A3GALT2: variants seen among roughly 807,000 people sequenced by gnomAD.
The protein encoded by A3GALT2 is alpha 1,3-galactosyltransferase 2.
Under a neutral mutation model 16.6 loss-of-function variants are expected in A3GALT2, and 14 were observed. That is an observed-to-expected ratio of 0.84 (90% CI 0.56 to 1.32). The LOEUF is 1.32. Among genes scored for constraint, A3GALT2 ranks in the 40% most tolerant of loss-of-function variants. The pLI, the probability that A3GALT2 is intolerant of heterozygous loss-of-function variation, is 0.00. For missense variants in A3GALT2, 600 were observed against 490.9 expected, an observed-to-expected ratio of 1.22 and a Z score of -2.10; for synonymous variants, 253 against 218.0, an observed-to-expected ratio of 1.16 and a Z score of -1.42.
At chr1:33,311,082 C>A (rs566596179) in intron 4 of A3GALT2, among the ~76,000 whole-genome samples, 1 of 152,268 alleles carries the variant, frequency 6.6e-6, no homozygotes, top group Non-Finnish European at 1.5e-5. Context: ...GAATGGGAGG[C>A]TCTCACCACC....
At chr1:33,308,565 C>T (rs1053969997) in intron 4 of A3GALT2, among the ~76,000 whole-genome samples, 4 of 151,916 alleles carry the variant, frequency 2.6e-5, no homozygotes, top group African/African-American at 7.3e-5. Context: ...CCACCACGCC[C>T]GGCCAATTTT....
intron 1 of A3GALT2, chr1:33,313,939 A>T (rs56111574): frequency 6.6e-6 from 1 of 151,948 alleles, no homozygotes; most frequent in East Asian, 1.9e-4. Context: ...AGCTTTATCT[A>T]GTGATGACCA....
In A3GALT2 at chr1:33,306,893, C is replaced by G. The variant is rs916893533; in HGVS notation, c.896G>C (p.Trp299Ser). 6 of 1,523,134 alleles carry G rather than the reference C, an allele frequency of 3.9e-6. No individual in the cohort carries two copies. Among genetic ancestry groups the G allele is most frequent in the Non-Finnish European group, 3.5e-6 (4 of 1,140,922 alleles). 94.4% of individuals were successfully genotyped at this position (1,523,134 alleles called of 1,614,324 possible). Residue 299 changes from tryptophan to serine, a missense_variant, in exon 5 of 5, where the codon TGG (tryptophan) becomes TCG (serine). Transcript: ENST00000442999. ...HDESHLNKFF[W>S]LHKPAKVLSP... ...CAGCACCTTGGCGGGCTTGTGCAGCCAGAAGAACTTGTTGAGGTGGCTCTC... is the reference window on the plus strand; with the variant it reads ...CAGCACCTTGGCGGGCTTGTGCAGCGAGAAGAACTTGTTGAGGTGGCTCTC...
Position 33,307,221 on chromosome 1 carries a change from G to T in A3GALT2, c.568C>A (p.Arg190Ser), listed in dbSNP as rs746383920. ...LHAALGGLPGREAHFMFCMDV... is the reference protein window; with the variant it reads ...LHAALGGLPGSEAHFMFCMDV... The stretch of plus-strand genomic sequence containing the variant: ...ATGCAGAACATGAAGTGCGCCTCGC[G>T]GCCCGGCAGCCCGCCCAGCGCCGCG... Residue 190 changes from arginine to serine, a missense_variant, in exon 5 of 5, where the codon CGC becomes AGC. Arg to Ser is a moderately radical substitution (Grantham distance 110). Coordinates refer to ENST00000442999, the MANE Select transcript of A3GALT2 (RefSeq NM_001080438.1). 1.1e-5 allele frequency: 16 copies of T among 1,501,068 alleles called. 1 individual carries two copies. In the South Asian group the frequency reaches 1.9e-4, roughly 18 times the overall value. The allele number at this position is 1,501,068 out of a possible 1,614,324, so 93.0% of individuals were successfully genotyped here. A position where few individuals can be genotyped will look rare whatever the true frequency, so the allele number is the denominator to read the frequency against.
At chr1:33,321,036 C>G (rs1237481464) in intron 1 of A3GALT2, 40 bp downstream of exon 1, 2 of 1,612,382 alleles carry the variant, frequency 1.2e-6, no homozygotes, top group Admixed American at 3.4e-5. Flanking sequence ...CTCAGCTGTC[C>G]CCAAGCTTTC....
chr1:33,317,832 A>G (rs1260430485), intron 1 of A3GALT2, among the ~76,000 whole-genome samples: 2 of 152,154 alleles, frequency 1.3e-5, no homozygotes, highest in Middle Eastern at 3.2e-3. Context: ...AGTATCCCTA[A>G]TCTGGAAATC....
rs904434319 is a variant in A3GALT2 at position 33,320,916 on chromosome 1, C to T, written c.23+160G>A. 3.3e-5 allele frequency among the ~76,000 whole-genome samples: 5 copies of T among 151,946 alleles called. No homozygotes were observed. The highest frequency in any genetic ancestry group is 1.2e-4 in the African/African-American group (5 of 41,420). On this transcript the variant is annotated intron_variant, in intron 1 of 4. Transcript: ENST00000442999. The surrounding 1 kb of genome is among the most constrained non-coding windows in gnomAD (Gnocchi z 4.3). ...GTCTTTCTTCTCCTGGGGCAATGTCCCCTCTCGGAGCCACCTTTCCCCAGG... is the reference window on the plus strand; with the variant it reads ...GTCTTTCTTCTCCTGGGGCAATGTCTCCTCTCGGAGCCACCTTTCCCCAGG...
At position 33,320,722 on chromosome 1, in the gene A3GALT2, G is replaced by C. The variant is rs1008666804; in HGVS notation, c.23+354C>G. Among the ~76,000 whole-genome samples the C allele has an allele frequency of 3.9e-5, 6 of 152,054 alleles. No homozygotes were observed. The highest frequency in any genetic ancestry group is 1.4e-4 in the African/African-American group (6 of 41,456). On this transcript the variant is annotated intron_variant, in intron 1 of 4. Transcript: ENST00000442999. This position sits in a 1 kb window ranked among gnomAD's most constrained non-coding sequence, Gnocchi z 4.3. ...TGGACCATCAGTCCCAGTGGGGATA[G>C]AGGGAGCTCTCAGTTACAGTCGGGG...
intron 1 of A3GALT2, chr1:33,313,176 T>TTG (rs1491201512): frequency 8.3e-5 from 4 of 48,146 alleles, no homozygotes; most frequent in East Asian, 6.5e-4. Flanking sequence ...AGTGACGGAG[T>TTG]TTTTTTTTTT....
At chr1:33,312,673 C>G in intron 2 of A3GALT2, 83 bp from the exon 3 acceptor site, 1 of 1,461,704 alleles carries the variant, frequency 6.8e-7, no homozygotes, top group Non-Finnish European at 9.4e-7. Flanking sequence ...TTGCTTCTTA[C>G]AAGGAGAGAG....
Position 33,307,006 on chromosome 1 carries a change from G to A in A3GALT2, c.783C>T (p.Ser261=). ...FYNHAAVFGG[S]VAALRGLTAH... ...CCGTCAGCCCGCGCAGCGCCGCCAC[G>A]CTGCCCCCGAACACCGCCGCGTGGT... Residue 261 remains serine, a synonymous_variant, in exon 5 of 5, where the codon AGC becomes AGT. Coordinates refer to ENST00000442999, the MANE Select transcript of A3GALT2 (RefSeq NM_001080438.1). 4 of 1,456,502 alleles carry A rather than the reference G, an allele frequency of 2.7e-6. No individual in the cohort carries two copies. The highest frequency in any genetic ancestry group is 1.4e-5 in the South Asian group (1 of 72,700). 90.2% of individuals were successfully genotyped at this position (1,456,502 alleles called of 1,614,324 possible). A position where few individuals can be genotyped will look rare whatever the true frequency, so the allele number is the denominator to read the frequency against.
At position 33,320,923 on chromosome 1, in the gene A3GALT2, G is replaced by A. The variant is rs371152130; in HGVS notation, c.23+153C>T. ...TTCTCCTGGGGCAATGTCCCCTCTC[G>A]GAGCCACCTTTCCCCAGGACTGGAG... On this transcript the variant is annotated intron_variant, in intron 1 of 4. Transcript: ENST00000442999. This position sits in a 1 kb window ranked among gnomAD's most constrained non-coding sequence, Gnocchi z 4.3. 1.3e-5 allele frequency among the ~76,000 whole-genome samples: 2 copies of A among 152,028 alleles called. No homozygotes were observed. Among genetic ancestry groups the A allele is most frequent in the African/African-American group, 2.4e-5 (1 of 41,504 alleles).
chr1:33,309,408 C>T (rs1291389364), intron 4 of A3GALT2, among the ~76,000 whole-genome samples: 2 of 150,874 alleles, frequency 1.3e-5, no homozygotes. Context: ...CCCCCCACCT[C>T]CCTCCCGGAC....
At chr1:33,309,007 A>G (rs1646218687) in intron 4 of A3GALT2, among the ~76,000 whole-genome samples, 1 of 151,544 alleles carries the variant, frequency 6.6e-6, no homozygotes, top group Admixed American at 6.6e-5. Flanking sequence ...CTGTTTAACA[A>G]AGCACATCTT....
rs191147206 is a variant in A3GALT2, at chr1:33,311,973, G to T, written c.335+79C>A. 3.3e-4 allele frequency: 522 copies of T among 1,572,484 alleles called. 1 individual carries two copies. The African/African-American group carries it at 6.2e-3, about 19-fold the overall frequency. On this transcript the variant is annotated intron_variant, in intron 4 of 4. Coordinates refer to ENST00000442999, the MANE Select transcript of A3GALT2 (RefSeq NM_001080438.1). Reference sequence around the variant, plus strand: ...GGGATCCCATGGCACAGGGGAGCAGGGTGCCCCGCCTCCTTCATCACATGC... The same window carrying T: ...GGGATCCCATGGCACAGGGGAGCAGTGTGCCCCGCCTCCTTCATCACATGC...
intron 1 of A3GALT2, among the ~76,000 whole-genome samples, chr1:33,317,446 A>G (rs1646266364): frequency 6.6e-6 from 1 of 152,238 alleles, no homozygotes; most frequent in South Asian, 2.1e-4. Context: ...TTAGCAATTT[A>G]CACACAAAAA....
chr1:33,309,273 G>A (rs1197133898), intron 4 of A3GALT2, among the ~76,000 whole-genome samples: 8 of 152,344 alleles, frequency 5.3e-5, no homozygotes, highest in South Asian at 4.1e-4. Flanking sequence ...TTCTCAATGA[G>A]CTGTTGGGTA....
chr1:33,307,294 G>A lies in A3GALT2; in HGVS notation c.495C>T (p.Arg165=). ...TCGACACGTCTTGCCAGCGCCGCTC[G>A]CGCGCCACGCGCTCCACGGGCAGCC... is the stretch of plus-strand genomic sequence containing the variant. ...GRRLPVERVA[R]ERRWQDVSMA... Residue 165 remains arginine, a synonymous_variant, in exon 5 of 5, where the codon CGC becomes CGT. Coordinates refer to ENST00000442999, the MANE Select transcript of A3GALT2 (RefSeq NM_001080438.1). 1 of 1,453,956 alleles carries A rather than the reference G, an allele frequency of 6.9e-7. No individual in the cohort carries two copies. The allele number at this position is 1,453,956 out of a possible 1,614,324, so 90.1% of individuals were successfully genotyped here.
In A3GALT2 at chr1:33,309,022, C is replaced by T. The variant is rs530935980; in HGVS notation, c.336-1569G>A. 2.7e-3 allele frequency among the ~76,000 whole-genome samples: 414 copies of T among 151,522 alleles called. 2 individuals are homozygous for T. The highest frequency in any genetic ancestry group is 9.5e-3 in the African/African-American group (390 of 41,204). On this transcript the variant is annotated intron_variant, in intron 4 of 4. Transcript: ENST00000442999. Reference sequence around the variant, plus strand: ...CTGTTTAACAAAGCACATCTTGCACCGCCCTTAATCCATTTAACCCTGAGT... The same window carrying T: ...CTGTTTAACAAAGCACATCTTGCACTGCCCTTAATCCATTTAACCCTGAGT...
Sources: allele counts gnomAD v4.1 joint callset (sites outside exome capture counted in the v4.1 genomes callset), GRCh38; gene constraint gnomAD v4.1.1; non-coding constraint Gnocchi (gnomAD v3.1); transcripts MANE v1.5; gene names NCBI Gene and HGNC (gene_info 2026-07-23, HGNC 2026-07-21).